The following TBL1X variants were observed in gnomAD, a reference collection of about 807,000 sequenced individuals.
TBL1X encodes the protein F-box-like/WD repeat-containing protein TBL1X.
A neutral mutation model predicts 50.7 loss-of-function variants in TBL1X; 10 were observed. The ratio of observed to expected loss-of-function variants is 0.20; its 90% CI spans 0.12 to 0.33. The LOEUF (loss-of-function observed/expected upper bound fraction) is 0.33, where lower values mean the gene tolerates loss of function less well. Among genes scored for constraint, TBL1X ranks in the 10% least tolerant of loss-of-function variants. TBL1X has a pLI of 1.00. For missense variants in TBL1X, 340 were observed against 504.4 expected, an observed-to-expected ratio of 0.67 and a Z score of 3.12; for synonymous variants, 190 against 214.7, an observed-to-expected ratio of 0.88 and a Z score of 1.01.
At chrX:9,699,731 A>G (rs1382979061) in intron 12 of TBL1X, among the ~76,000 whole-genome samples, 3 of 111,740 alleles carry the variant, frequency 2.7e-5, no homozygotes, top group Non-Finnish European at 3.8e-5. Flanking sequence ...TATTCCATGC[A>G]GTACTTCAGC....
At chrX:9,608,512 G>A (rs1472514978) in intron 2 of TBL1X, among the ~76,000 whole-genome samples, 1 of 111,370 alleles carries the variant, frequency 9.0e-6, no homozygotes, top group East Asian at 2.8e-4. Flanking sequence ...CCCCCATTCC[G>A]GATGGTGCAG....
intron 2 of TBL1X, among the ~76,000 whole-genome samples, chrX:9,555,994 C>T (rs953009957): frequency 4.6e-5 from 5 of 109,012 alleles, no homozygotes; most frequent in Non-Finnish European, 9.5e-5. Context: ...TTGAGATCAG[C>T]CTGGGCAACA....
chrX:9,568,767 C>G (rs1415875151), intron 2 of TBL1X, among the ~76,000 whole-genome samples: 1 of 101,638 alleles, frequency 9.8e-6, no homozygotes, highest in African/African-American at 3.7e-5. Context: ...TTGTCTCTAT[C>G]TGTGCAGTGT....
intron 2 of TBL1X, among the ~76,000 whole-genome samples, chrX:9,516,730 C>T (rs1480237220): frequency 8.9e-6 from 1 of 111,931 alleles, no homozygotes; most frequent in Non-Finnish European, 1.9e-5. Flanking sequence ...GTCATTGGAA[C>T]GACTGTCCCC....
At chrX:9,624,613 TG>T (rs1480573668) in intron 2 of TBL1X, among the ~76,000 whole-genome samples, 2 of 112,120 alleles carry the variant, frequency 1.8e-5, no homozygotes, top group Non-Finnish European at 3.8e-5. Flanking sequence ...ATTTGGGTTT[TG>T]CAGGAAATGG....
At chrX:9,473,002 G>C (rs2081827390) in intron 1 of TBL1X, among the ~76,000 whole-genome samples, 1 of 111,662 alleles carries the variant, frequency 9.0e-6, no homozygotes, top group Non-Finnish European at 1.9e-5. Context: ...GGGTAATTGG[G>C]TAATTGTCAG....
At chrX:9,641,257 A>AATT in intron 3 of TBL1X, among the ~76,000 whole-genome samples, 1 of 112,064 alleles carries the variant, frequency 8.9e-6, no homozygotes, top group Admixed American at 9.5e-5. Flanking sequence ...CACACCAAAC[A>AATT]ATTGTATGTG....
chrX:9,541,974 T>C (rs2082217409), intron 2 of TBL1X, among the ~76,000 whole-genome samples: 1 of 108,411 alleles, frequency 9.2e-6, no homozygotes, highest in Admixed American at 9.8e-5. Context: ...AATCTGTATA[T>C]TCATAGATTG....
intron 2 of TBL1X, among the ~76,000 whole-genome samples, chrX:9,581,577 T>C (rs2238862): frequency 0.49 from 54,308 of 110,552 alleles, 10,867 homozygotes; most frequent in African/African-American, 0.76. Flanking sequence ...GGTGGAGCCC[T>C]GGGATGCTGC....
At chrX:9,514,292 C>T (rs1227544079) in intron 2 of TBL1X, among the ~76,000 whole-genome samples, 1 of 107,264 alleles carries the variant, frequency 9.3e-6, no homozygotes, top group Non-Finnish European at 1.9e-5. Flanking sequence ...ATCAAAACCC[C>T]CTCAAACCCA....
At chrX:9,547,793 G>T (rs184701871) in intron 2 of TBL1X, among the ~76,000 whole-genome samples, 64 of 105,670 alleles carry the variant, frequency 6.1e-4, no homozygotes, top group African/African-American at 2.2e-3. Flanking sequence ...GGATATCATT[G>T]CTCCTGGGCT....
chrX:9,588,491 CA>C (rs1207045163), intron 2 of TBL1X, among the ~76,000 whole-genome samples: 1 of 111,908 alleles, frequency 8.9e-6, no homozygotes, highest in Non-Finnish European at 1.9e-5. Flanking sequence ...ACCACAGGAT[CA>C]GTATTTCTGA....
At chrX:9,702,412 A>C (rs971113271) in intron 12 of TBL1X, among the ~76,000 whole-genome samples, 1 of 104,186 alleles carries the variant, frequency 9.6e-6, no homozygotes, top group Non-Finnish European at 2.0e-5. Flanking sequence ...ACTGCACTCC[A>C]GCTTGGGTGA....
At chrX:9,572,050 T>C (rs1400670244) in intron 2 of TBL1X, among the ~76,000 whole-genome samples, 1 of 111,995 alleles carries the variant, frequency 8.9e-6, no homozygotes, top group Non-Finnish European at 1.9e-5. Flanking sequence ...GGCTGGCTTG[T>C]GACTACTATT....
intron 2 of TBL1X, among the ~76,000 whole-genome samples, chrX:9,630,378 G>A (rs867025610): frequency 1.9e-4 from 21 of 111,266 alleles, no homozygotes; most frequent in African/African-American, 6.2e-4. Context: ...GTCATCCCTC[G>A]GTATCTGTGG....
Position 9,653,650 on chromosome X carries a change from C to T in TBL1X, c.64C>T (p.Gln22Ter), listed in dbSNP as rs763857065. Residue 22 changes from glutamine to a stop codon, truncating the protein, a stop_gained, in exon 4 of 18, where the codon CAG becomes TAG. Coordinates refer to ENST00000645353, the MANE Select transcript of TBL1X (RefSeq NM_005647.4). LOFTEE classifies it high-confidence loss of function. The part of the protein sequence containing the change: ...CHRPAGRGAM[Q>*]SVLHHFQRLR... ...CCGCCCTGCAGGAAGAGGGGCCATG[C>T]AGTCAGTCTTGCACCACTTTCAACG... 3 of 1,172,038 alleles carry T rather than the reference C, an allele frequency of 2.6e-6. No individual in the cohort carries two copies. The East Asian group carries it at 9.7e-5, about 38-fold the overall frequency.
intron 2 of TBL1X, among the ~76,000 whole-genome samples, chrX:9,597,246 T>C (rs1200685393): frequency 9.0e-6 from 1 of 111,140 alleles, no homozygotes; most frequent in Non-Finnish European, 1.9e-5. Flanking sequence ...GACAAAAAAG[T>C]AGAGAAAAGA....
At chrX:9,711,516 G>A in intron 15 of TBL1X, 95 bp from the exon 16 acceptor site, 5 of 883,665 alleles carry the variant, frequency 5.7e-6, no homozygotes, top group South Asian at 4.4e-5. Context: ...CGTAAAAGCT[G>A]GGAAAAACAA....
In TBL1X at chrX:9,526,090, C is replaced by T. The variant is rs778357916; in HGVS notation, c.-131+24241C>T. Among the ~76,000 whole-genome samples, 6 of 96,172 alleles carry T rather than the reference C, an allele frequency of 6.2e-5. No homozygotes were observed. In the South Asian group the frequency reaches 2.2e-3, roughly 35 times the overall value. The allele number at this position is 96,172 out of a possible 115,157, so 83.5% of individuals were successfully genotyped here. On this transcript the variant is annotated intron_variant, in intron 2 of 17. Transcript: ENST00000645353. ...GAAGGGGTCTGTGTGAGAGAGAGAACGTCTGTGCATGTGTGTATGTGTGTG... is the reference window on the plus strand; with the variant it reads ...GAAGGGGTCTGTGTGAGAGAGAGAATGTCTGTGCATGTGTGTATGTGTGTG...
Sources: allele counts gnomAD v4.1 joint callset (sites outside exome capture counted in the v4.1 genomes callset), GRCh38; gene constraint gnomAD v4.1.1; transcripts MANE v1.5; gene names NCBI Gene and HGNC (gene_info 2026-07-23, HGNC 2026-07-21).